IPO4: variants seen among roughly 807,000 people sequenced by gnomAD.
IPO4 encodes the protein importin 4.
IPO4 carries 91 observed loss-of-function variants against 133.5 expected under a neutral mutation model. The observed-to-expected ratio is 0.68, with a 90% confidence interval of 0.58 to 0.81. IPO4 has a LOEUF of 0.81. IPO4 is among the 30% of genes least tolerant of loss of function. The pLI is 0.00. For synonymous variants in IPO4, 607 were observed against 581.6 expected (o/e 1.04, Z -0.63); for missense variants, 1,279 against 1,386.2 (o/e 0.92, Z 1.23).
intron 5 of IPO4, 41 bp from the exon 6 acceptor site, chr14:24,187,620 C>G: frequency 6.2e-7 from 1 of 1,613,770 alleles, no homozygotes; most frequent in Non-Finnish European, 8.5e-7. Flanking sequence ...CTTACAAGGT[C>G]TATCCAGCCT....
intron 26 of IPO4, 22 bp from the exon 27 acceptor site, chr14:24,181,865 G>C: frequency 6.2e-7 from 1 of 1,600,474 alleles, no homozygotes; most frequent in Non-Finnish European, 8.5e-7. Context: ...TCAAGGAATG[G>C]CCACACGCTC....
At chr14:24,183,566 T>C (rs2039173939) in intron 20 of IPO4, 24 bp downstream of exon 20, 1 of 1,614,058 alleles carries the variant, frequency 6.2e-7, no homozygotes, top group Non-Finnish European at 8.5e-7. Flanking sequence ...GGGTTTTCAG[T>C]GCCAGGGAAG....
rs1326386962 is a variant in IPO4 at position 24,182,350 on chromosome 14, C to G, written c.2526G>C (p.Leu842=). ...AGGAGTCTCCCCCAGCCGCGGCTGCCAGGGCAGGGATGGCCTCTCCAGCGT... is the reference window on the plus strand; with the variant it reads ...AGGAGTCTCCCCCAGCCGCGGCTGCGAGGGCAGGGATGGCCTCTCCAGCGT... The part of the protein sequence containing the change: ...LEHAGEAIPA[L]AAAAGGDSFA... The change falls in exon 25 of 30, where the codon CTG becomes CTC. Residue 842 remains leucine, a synonymous_variant. Coordinates refer to ENST00000354464, the MANE Select transcript of IPO4 (RefSeq NM_024658.4). The G allele has an allele frequency of 6.2e-7, 1 of 1,613,850 alleles. No homozygotes were observed. Among genetic ancestry groups the G allele is most frequent in the Admixed American group, 1.7e-5 (1 of 60,002 alleles).
At position 24,188,360 on chromosome 14, in the gene IPO4, C is replaced by CCGCCAGCCGT. The variant is rs1452752956; in HGVS notation, c.210_219dup (p.Ala74ThrfsTer96). Reference sequence around the variant, plus strand: ...CCAGCCCACCTCTCCCGTTGCTCCGCCGCCAGCCGTCGCCAGCGGGTGTTC... The same window carrying CCGCCAGCCGT: ...CCAGCCCACCTCTCCCGTTGCTCCGCCGCCAGCCGTCGCCAGCCGTCGCCAGCGGGTGTTC... On this transcript the variant is annotated frameshift_variant, in exon 3 of 30. Coordinates refer to ENST00000354464, the MANE Select transcript of IPO4 (RefSeq NM_024658.4). LOFTEE classifies it high-confidence loss of function. 2 of 1,613,522 alleles carry CCGCCAGCCGT rather than the reference C, an allele frequency of 1.2e-6. No individual in the cohort carries two copies. The highest frequency in any genetic ancestry group is 1.7e-6 in the Non-Finnish European group (2 of 1,179,892).
intron 14 of IPO4, 50 bp downstream of exon 14, chr14:24,185,132 CA>C: frequency 1.2e-6 from 2 of 1,610,144 alleles, no homozygotes; most frequent in Non-Finnish European, 8.5e-7. Context: ...TACATTCAGC[CA>C]AAGCCGCCGC....
At chr14:24,183,541 AG>A in intron 20 of IPO4, 28 bp from the exon 21 acceptor site, 1 of 1,613,996 alleles carries the variant, frequency 6.2e-7, no homozygotes, top group Non-Finnish European at 8.5e-7. Context: ...GCCGTGGGTA[AG>A]GGGCCCCCAG....
At position 24,187,088 on chromosome 14, in the gene IPO4, A is replaced by G; in HGVS notation, c.651T>C (p.Asp217=). The G allele has an allele frequency of 1.2e-6, 2 of 1,613,956 alleles. No homozygotes were observed. Among genetic ancestry groups the G allele is most frequent in the Non-Finnish European group, 8.5e-7 (1 of 1,179,906 alleles). The part of the protein sequence containing the change: ...IMAMQTLIPI[D]EAKACEALEA... ...GCTCCTGCCCACCTGTCCTCACCTC[A>G]TCTATGGGGATCAGAGTCTGCATGG... is the stretch of plus-strand genomic sequence containing the variant. The change falls in exon 7 of 30, where the codon GAT becomes GAC. Residue 217 remains aspartate, a synonymous_variant. Transcript: ENST00000354464.
chr14:24,186,024 T>C, intron 11 of IPO4, 54 bp from the exon 12 acceptor site: 2 of 1,591,082 alleles, frequency 1.3e-6, no homozygotes, highest in East Asian at 4.5e-5. Flanking sequence ...TGCCCATTCC[T>C]GTGGTAATAG....
chr14:24,188,705 C>G lies in IPO4; in HGVS notation c.69+14G>C. 6.3e-7 allele frequency: 1 copy of G among 1,591,416 alleles called. No individual in the cohort carries two copies. The highest frequency in any genetic ancestry group is 8.6e-7 in the Non-Finnish European group (1 of 1,166,922). ...CCTCCCGCTCGCCCTGGCCCGGTTA[C>G]GCCTGCTCCGTACCCGACGGATGCG... is the stretch of plus-strand genomic sequence containing the variant. On this transcript the variant is annotated intron_variant, in intron 1 of 29. Coordinates refer to ENST00000354464, the MANE Select transcript of IPO4 (RefSeq NM_024658.4).
chr14:24,188,031 G>A (rs1486620011), intron 4 of IPO4, 185 bp downstream of exon 4: 2 of 774,174 alleles, frequency 2.6e-6, no homozygotes, highest in African/African-American at 3.5e-5. Context: ...TTCTGACTTG[G>A]GTTTGGCAGA....
chr14:24,181,760 GC>G lies in IPO4; in HGVS notation c.2890del (p.Ala964HisfsTer6). 2 of 1,602,572 alleles carry G rather than the reference GC, an allele frequency of 1.2e-6. No individual in the cohort carries two copies. The highest frequency in any genetic ancestry group is 1.7e-6 in the Non-Finnish European group (2 of 1,172,770). On this transcript the variant is annotated frameshift_variant, in exon 27 of 30. Coordinates refer to ENST00000354464, the MANE Select transcript of IPO4 (RefSeq NM_024658.4). LOFTEE classifies it high-confidence loss of function. ...HDRVRDNICG[A>X]LARLLMASPT... ...ACTGGCCATCAACAGGCGGGCAAGT[GC>G]CCCACAGATGTTGTCACGGACACGA...
At chr14:24,181,878 G>A (rs752682420) in intron 26 of IPO4, 35 bp from the exon 27 acceptor site, 1 of 1,604,360 alleles carries the variant, frequency 6.2e-7, no homozygotes, top group African/African-American at 1.3e-5. Flanking sequence ...ACACGCTCAG[G>A]TAGACCTTGC....
intron 6 of IPO4, 67 bp downstream of exon 6, chr14:24,187,333 C>T: frequency 1.3e-6 from 2 of 1,573,262 alleles, no homozygotes; most frequent in Non-Finnish European, 8.7e-7. Context: ...AGCTTTGTAA[C>T]TTTTACGGGT....
Position 24,180,689 on chromosome 14 carries a change from CT to C in IPO4, c.3114del (p.Asp1039ThrfsTer10). 1 of 1,614,160 alleles carries C rather than the reference CT, an allele frequency of 6.2e-7. No individual in the cohort carries two copies. Among genetic ancestry groups the C allele is most frequent in the Non-Finnish European group, 8.5e-7 (1 of 1,180,014 alleles). ...CCCTGCCTATGACTCCTACCCTCAC[CT>C]GGTGGGATCTTGTTGTCAGCCAGAA... is the stretch of plus-strand genomic sequence containing the variant. ...SLILADNKIP[P>X]DTKAALLLLL... is the part of the protein sequence containing the mutation. On this transcript the variant is annotated frameshift_variant and splice_region_variant, in exon 29 of 30. Coordinates refer to ENST00000354464, the MANE Select transcript of IPO4 (RefSeq NM_024658.4). LOFTEE classifies it high-confidence loss of function.
At position 24,183,282 on chromosome 14, in the gene IPO4, C is replaced by G. The variant is rs544661588; in HGVS notation, c.2195G>C (p.Cys732Ser). 4.9e-5 allele frequency: 79 copies of G among 1,613,632 alleles called. 2 individuals carry two copies. In the South Asian group the frequency reaches 8.6e-4, roughly 18 times the overall value. ...GQFCCALHKA[C>S]QSCPSEPNTA... ...GTTGGGTTCCGAGGGGCAGCTTTGA[C>G]AGGCCTTGTGCAGTGCACAGCAAAA... Residue 732 changes from cysteine to serine, a missense_variant, in exon 22 of 30, where the codon TGT (cysteine) becomes TCT (serine). Coordinates refer to ENST00000354464, the MANE Select transcript of IPO4 (RefSeq NM_024658.4).
rs780374156 is a variant in IPO4 at position 24,185,477 on chromosome 14, C to T, written c.1260G>A (p.Gln420=). ...GGTTCACCTGTAGGTTTTCTGAGAA[C>T]TGGCCCAGGGCAAACAGCGCAGCAT... ...VRNAALFALG[Q]FSENLQPHIS... is the part of the protein sequence containing the mutation. The change falls in exon 13 of 30, where the codon CAG becomes CAA. Residue 420 remains glutamine (Q), a synonymous_variant. Coordinates refer to ENST00000354464, the MANE Select transcript of IPO4 (RefSeq NM_024658.4). 1.4e-5 allele frequency: 23 copies of T among 1,614,108 alleles called. No homozygotes were observed. Among genetic ancestry groups the T allele is most frequent in the Non-Finnish European group, 1.9e-5 (23 of 1,180,030 alleles).
At chr14:24,188,094 T>C (rs1408754185) in intron 4 of IPO4, 122 bp downstream of exon 4, 4 of 1,068,380 alleles carry the variant, frequency 3.7e-6, no homozygotes, top group East Asian at 2.6e-5. Flanking sequence ...CTTAAAATCC[T>C]CACTCCACCT....
rs373300543 is a variant in IPO4, at chr14:24,183,645, A to T, written c.2008T>A (p.Phe670Ile). 60 of 1,614,008 alleles carry T rather than the reference A, an allele frequency of 3.7e-5. No individual in the cohort carries two copies. The highest frequency in any genetic ancestry group is 5.1e-5 in the Non-Finnish European group (60 of 1,180,036). ...GCACAGGTGTCTTCCTTCTCATCGA[A>T]GAAGGCATTCTCCACGCTGTACCTA... Reference protein sequence around the residue: ...ISGYSVENAFFDEKEDTCAAV... With the variant: ...ISGYSVENAFIDEKEDTCAAV... Residue 670 changes from phenylalanine to isoleucine, a missense_variant, in exon 20 of 30, where the codon TTC becomes ATC. By Grantham distance (21) the Phe-to-Ile change is conservative. This residue lies in a region of IPO4 where 575 missense variants were observed against 653.4 expected (regional missense o/e 0.88). Coordinates refer to ENST00000354464, the MANE Select transcript of IPO4 (RefSeq NM_024658.4).
Position 24,188,561 on chromosome 14 carries a change from G to A in IPO4, c.147C>T (p.Ala49=), listed in dbSNP as rs934349401. The change falls in exon 2 of 30, where the codon GCC becomes GCT. Residue 49 remains alanine (A), a synonymous_variant. Coordinates refer to ENST00000354464, the MANE Select transcript of IPO4 (RefSeq NM_024658.4). ...PALCDLLASA[A]DPQIRQFAAV... ...GAGTCAGGGGTCTCACCTGGGGGTCGGCCGCCGAGGCTAGCAGGTCGCAGA... is the reference window on the plus strand; with the variant it reads ...GAGTCAGGGGTCTCACCTGGGGGTCAGCCGCCGAGGCTAGCAGGTCGCAGA... 9.3e-6 allele frequency: 15 copies of A among 1,612,380 alleles called. No homozygotes were observed. The Admixed American group carries it at 2.2e-4, about 23-fold the overall frequency.
Sources: gnomAD v4.1 joint callset for allele counts on GRCh38, gnomAD v4.1.1 for gene constraint, gnomAD v4.1.1 regional missense constraint, MANE v1.5 for transcripts, NCBI Gene and HGNC (gene_info 2026-07-23, HGNC 2026-07-21) for gene names.